Variants in SP140 observed in about 807,000 individuals in gnomAD.
The protein encoded by SP140 is SP140 nuclear body protein.
Under a neutral mutation model 125.0 loss-of-function variants are expected in SP140, and 81 were observed. The observed-to-expected ratio is 0.65, with a 90% CI of 0.54 to 0.78. The LOEUF is 0.78. Among genes scored for constraint, SP140 ranks in the 30% least tolerant of loss-of-function variants. The pLI is 0.00. For synonymous variants in SP140, 312 were observed against 354.0 expected (o/e 0.88, Z 1.33); for missense variants, 858 against 1,037.0 (o/e 0.83, Z 2.37).
intron 22 of SP140, among the ~76,000 whole-genome samples, chr2:230,307,695 C>G (rs1298087188): frequency 6.6e-6 from 1 of 152,106 alleles, no homozygotes; most frequent in African/African-American, 2.4e-5. Context: ...GCTCACACGC[C>G]TCTCCCACTC....
intron 12 of SP140, among the ~76,000 whole-genome samples, chr2:230,256,770 A>C (rs1351225055): frequency 6.6e-6 from 1 of 152,210 alleles, no homozygotes; most frequent in African/African-American, 2.4e-5. Context: ...AAACTTGACA[A>C]AGCCTTCAGT....
In SP140 at chr2:230,227,592, G is replaced by A. The variant is rs140995065; in HGVS notation, c.59+1689G>A. Among the ~76,000 whole-genome samples the A allele has an allele frequency of 1.6e-3, 241 of 152,266 alleles. 1 individual carries two copies. Among genetic ancestry groups the A allele is most frequent in the African/African-American group, 5.5e-3 (230 of 41,548 alleles). On this transcript the variant is annotated intron_variant, in intron 1 of 26. Transcript: ENST00000392045. Reference sequence around the variant, plus strand: ...CCTTTCTGGAGGGCTATTAATTATCGATTCAAATTTCTTTAATAGATGTAG... The same window carrying A: ...CCTTTCTGGAGGGCTATTAATTATCAATTCAAATTTCTTTAATAGATGTAG...
intron 1 of SP140, chr2:230,210,121 G>C (rs991185175): frequency 9.0e-6 from 7 of 774,904 alleles, no homozygotes; most frequent in Non-Finnish European, 1.2e-5. Flanking sequence ...CCAGGGCCGG[G>C]AATCTGCTTG....
downstream of SP140, among the ~76,000 whole-genome samples, chr2:230,313,812 T>C (rs971732156): frequency 6.6e-6 from 1 of 152,150 alleles, no homozygotes; most frequent in African/African-American, 2.4e-5. Flanking sequence ...TTTTCACCTG[T>C]AGTAAATTGG....
intron 1 of SP140, chr2:230,210,072 G>A: frequency 4.1e-6 from 4 of 966,286 alleles, no homozygotes; most frequent in Non-Finnish European, 6.8e-6. Flanking sequence ...GCTGAGGGAA[G>A]TCAATGCAAG....
At position 230,225,907 on chromosome 2, in the gene SP140, G is replaced by A. The variant is rs1411919810; in HGVS notation, c.59+4G>A. On this transcript the variant is annotated splice_donor_region_variant and intron_variant, in intron 1 of 26. Coordinates refer to ENST00000392045, the MANE Select transcript of SP140 (RefSeq NM_007237.5). ...GAGACAGCAATCTCAACTTCAGGTG[G>A]GTCATCGTCTCCTTTCCCGTCTGTC... The A allele has an allele frequency of 3.1e-6, 5 of 1,612,982 alleles. No individual in the cohort carries two copies. The South Asian group carries it at 4.4e-5, about 14-fold the overall frequency.
At chr2:230,268,114 G>A (rs2053397952) in intron 12 of SP140, among the ~76,000 whole-genome samples, 2 of 152,086 alleles carry the variant, frequency 1.3e-5, no homozygotes, top group Admixed American at 6.6e-5. Flanking sequence ...TTTTGGTGGG[G>A]TTTTGCTATG....
At chr2:230,257,115 C>T (rs2051346953) in intron 12 of SP140, among the ~76,000 whole-genome samples, 1 of 151,996 alleles carries the variant, frequency 6.6e-6, no homozygotes, top group Non-Finnish European at 1.5e-5. Context: ...GGTGGGGTCT[C>T]ATAGTCTGAG....
At chr2:230,221,380 T>C (rs2148980971), upstream of SP140, among the ~76,000 whole-genome samples, 1 of 151,698 alleles carries the variant, frequency 6.6e-6, no homozygotes, top group Middle Eastern at 3.4e-3. Flanking sequence ...ATCCACAAAC[T>C]CCTCAGATAA....
intron 3 of SP140, chr2:230,216,809 T>A (rs1481259921): frequency 6.2e-7 from 1 of 1,613,700 alleles, no homozygotes; most frequent in Non-Finnish European, 8.5e-7. Flanking sequence ...GATGATGGAG[T>A]TGTCTAGGAG....
chr2:230,250,982 G>A lies in SP140; in HGVS notation c.978G>A (p.Glu326=). 2 of 1,613,716 alleles carry A rather than the reference G, an allele frequency of 1.2e-6. No homozygotes were observed. Among genetic ancestry groups the A allele is most frequent in the Non-Finnish European group, 1.7e-6 (2 of 1,179,714 alleles). Residue 326 remains glutamate (E), a splice_region_variant and synonymous_variant, in exon 10 of 27, where the codon GAG becomes GAA. Coordinates refer to ENST00000392045, the MANE Select transcript of SP140 (RefSeq NM_007237.5). The part of the protein sequence containing the change: ...GLCLLPGEGE[E]GSDDCSEMCD... ...GAGGGATTTCTTTTCTTTCTGCAGA[G>A]GGCAGTGATGACTGTTCAGAAATGT... is the stretch of plus-strand genomic sequence containing the variant.
rs533867225 is a variant in SP140 at position 230,270,403 on chromosome 2, C to A, written c.1445-183C>A. ...CCAACACGTATTTTTGATAGAAGAC[C>A]CAGGGCCCATCCTAGACTCCTAGTT... On this transcript the variant is annotated intron_variant, in intron 14 of 26. Coordinates refer to ENST00000392045, the MANE Select transcript of SP140 (RefSeq NM_007237.5). Among the ~76,000 whole-genome samples the A allele has an allele frequency of 2.0e-5, 3 of 152,202 alleles. No homozygotes were observed. The South Asian group carries it at 6.2e-4, about 32-fold the overall frequency.
chr2:230,206,169 G>A lies in SP140; in HGVS notation c.-323+2890G>A, dbSNP rs77027372. 6.4e-3 allele frequency among the ~76,000 whole-genome samples: 969 copies of A among 152,240 alleles called. 6 individuals are homozygous for A. Among genetic ancestry groups the A allele is most frequent in the Non-Finnish European group, 0.011 (775 of 68,000 alleles). On this transcript the variant is annotated intron_variant, in intron 1 of 4. Transcript: ENST00000456542. The stretch of plus-strand genomic sequence containing the variant: ...GAGGAGCTTTAAGCCACTGGCTTAG[G>A]CTGCCATCTATTGCTCTGTTTCCTT...
At chr2:230,273,811 G>T (rs945749509) in intron 15 of SP140, among the ~76,000 whole-genome samples, 2 of 152,138 alleles carry the variant, frequency 1.3e-5, no homozygotes, top group Admixed American at 1.3e-4. Context: ...CATGGATGGA[G>T]CTGGAGAGTA....
chr2:230,310,617 G>A (rs899943991), intron 23 of SP140, 126 bp from the exon 24 acceptor site: 1 of 1,582,980 alleles, frequency 6.3e-7, no homozygotes, highest in Non-Finnish European at 8.6e-7. Flanking sequence ...CATACTTTGG[G>A]AGGTGTTCCC....
chr2:230,271,159 GTGTT>G (rs2053865021), intron 15 of SP140, among the ~76,000 whole-genome samples: 1 of 152,158 alleles, frequency 6.6e-6, no homozygotes, highest in Non-Finnish European at 1.5e-5. Context: ...AAATACATTT[GTGTT>G]GTTTTAAACC....
chr2:230,243,953 T>G lies in SP140; in HGVS notation c.571+142T>G, dbSNP rs2049059660. The G allele has an allele frequency of 1.0e-5, 6 of 571,540 alleles. 1 individual carries two copies. In the South Asian group the frequency reaches 1.3e-4, roughly 12 times the overall value. 35.4% of individuals were successfully genotyped at this position (571,540 alleles called of 1,614,324 possible). On this transcript the variant is annotated intron_variant, in intron 5 of 26. Coordinates refer to ENST00000392045, the MANE Select transcript of SP140 (RefSeq NM_007237.5). ...TTGTCCTTGGATCCTATAATTCTGC[T>G]AAATTTTCCTAAGTGTATGTTATAG...
chr2:230,297,752 A>G (rs2057887692), intron 22 of SP140, among the ~76,000 whole-genome samples: 1 of 152,250 alleles, frequency 6.6e-6, no homozygotes, highest in Admixed American at 6.5e-5. Context: ...CTCTTGAGAC[A>G]GAGCCTGAAG....
chr2:230,230,361 C>T (rs1276474115), intron 1 of SP140: 1 of 152,096 alleles, frequency 6.6e-6, no homozygotes, highest in African/African-American at 2.4e-5. Flanking sequence ...TGAAAAATAC[C>T]TCAAACCCCA....
Sources: gnomAD v4.1 joint callset for allele counts (sites outside exome capture counted in the v4.1 genomes callset) on GRCh38, gnomAD v4.1.1 for gene constraint, MANE v1.5 for transcripts, NCBI Gene and HGNC (gene_info 2026-07-23, HGNC 2026-07-21) for gene names.